ARID1B: variants seen among roughly 807,000 people sequenced by gnomAD.
ARID1B encodes the protein AT-rich interaction domain 1B, also known as AT-rich interactive domain-containing protein 1B.
A neutral mutation model predicts 212.3 loss-of-function variants in ARID1B; 30 were observed. That is an observed-to-expected ratio of 0.14 (90% CI 0.11 to 0.19). ARID1B has a LOEUF of 0.19. ARID1B is among the 10% of genes least tolerant of loss of function. The pLI, the probability that ARID1B is intolerant of heterozygous loss-of-function variation, is 1.00. For synonymous variants in ARID1B, 1,402 were observed against 1,301.7 expected, an observed-to-expected ratio of 1.08 and a Z score of -1.66; for missense variants, 2,891 against 3,204.0, an observed-to-expected ratio of 0.90 and a Z score of 2.36.
intron 4 of ARID1B, chr6:157,071,845 T>G (rs1784024054): frequency 6.6e-6 from 1 of 152,218 alleles, no homozygotes; most frequent in African/African-American, 2.4e-5. Flanking sequence ...GTTGGGTTGT[T>G]AGACTGGGGC....
At chr6:156,914,028 T>A (rs1790139411) in intron 3 of ARID1B, among the ~76,000 whole-genome samples, 1 of 124,148 alleles carries the variant, frequency 8.1e-6, no homozygotes, top group Admixed American at 7.9e-5. Context: ...GGTGCCCCCA[T>A]TCCACTCTCT....
chr6:156,973,333 G>A (rs577427386), intron 4 of ARID1B, among the ~76,000 whole-genome samples: 1 of 152,186 alleles, frequency 6.6e-6, no homozygotes, highest in South Asian at 2.1e-4. Context: ...GTACGCATAC[G>A]TAGTTTATAA....
chr6:157,137,009 C>T (rs543714268), intron 7 of ARID1B, among the ~76,000 whole-genome samples: 6 of 152,272 alleles, frequency 3.9e-5, no homozygotes, highest in Admixed American at 1.3e-4. Context: ...AGAACCCCAT[C>T]TCTACAAAAA....
chr6:157,107,672 A>G (rs1786594363), intron 5 of ARID1B: 1 of 152,196 alleles, frequency 6.6e-6, no homozygotes, highest in African/African-American at 2.4e-5. Flanking sequence ...CATTATGCTT[A>G]CATCATAATA....
At chr6:156,892,242 C>T (rs530993236) in intron 2 of ARID1B, among the ~76,000 whole-genome samples, 124 of 152,050 alleles carry the variant, frequency 8.2e-4, no homozygotes, top group Non-Finnish European at 1.5e-3. Context: ...GTTAAAAGAA[C>T]GTTGTTTCTA....
Position 157,167,854 on chromosome 6 carries a change from G to C in ARID1B, c.3235+669G>C, listed in dbSNP as rs572149548. The C allele has an allele frequency of 2.6e-5, 4 of 152,300 alleles. No individual in the cohort carries two copies. The South Asian group carries it at 8.3e-4, about 32-fold the overall frequency. The allele number at this position is 152,300 out of a possible 1,614,324, so 9.4% of individuals were successfully genotyped here. On this transcript the variant is annotated intron_variant, in intron 9 of 19. Coordinates refer to ENST00000636930, the MANE Select transcript of ARID1B (RefSeq NM_001374828.1). ...TCTCCCATGATCTTAGACTCTTCAA[G>C]ACCCTTGAACCCCCTCCTCAGGTTC...
rs139532864 is a variant in ARID1B, at chr6:157,040,892, G to A, written c.2248-43770G>A. 2.2e-4 allele frequency among the ~76,000 whole-genome samples: 33 copies of A among 152,262 alleles called. No homozygotes were observed. In the East Asian group the frequency reaches 5.6e-3, roughly 26 times the overall value. On this transcript the variant is annotated intron_variant, in intron 4 of 19. Coordinates refer to ENST00000636930, the MANE Select transcript of ARID1B (RefSeq NM_001374828.1). ...AGTATAGTAGACAATAAGCACTTCC[G>A]CTGTTTTCCCGTGGTTTTAGTTTTT...
chr6:156,928,634 C>T (rs950064614), intron 3 of ARID1B, among the ~76,000 whole-genome samples: 4 of 152,150 alleles, frequency 2.6e-5, no homozygotes, highest in Non-Finnish European at 4.4e-5. Context: ...TTGAGGGGCC[C>T]CCATTCTTAA....
intron 4 of ARID1B, among the ~76,000 whole-genome samples, chr6:157,021,557 G>A (rs1780264856): frequency 6.6e-6 from 1 of 152,290 alleles, no homozygotes; most frequent in Admixed American, 6.5e-5. Flanking sequence ...GGCGGGGACA[G>A]GGGGACGAAA....
At chr6:156,967,537 G>A (rs1794852462) in intron 4 of ARID1B, among the ~76,000 whole-genome samples, 1 of 152,206 alleles carries the variant, frequency 6.6e-6, no homozygotes, top group Non-Finnish European at 1.5e-5. Flanking sequence ...GGGAGAGAAT[G>A]TGTGTATGTT....
intron 2 of ARID1B, among the ~76,000 whole-genome samples, chr6:156,889,070 G>C (rs549542485): frequency 6.6e-6 from 1 of 152,242 alleles, no homozygotes; most frequent in South Asian, 2.1e-4. Context: ...TTTCACTGCT[G>C]TGACAGTTTA....
At chr6:157,193,524 A>T (rs1330576418) in intron 15 of ARID1B, 1 of 152,150 alleles carries the variant, frequency 6.6e-6, no homozygotes, top group East Asian at 1.9e-4. Context: ...TAGGATATTG[A>T]GGTGGCCGCC....
At chr6:156,882,817 C>T (rs1787207179) in intron 2 of ARID1B, among the ~76,000 whole-genome samples, 1 of 152,170 alleles carries the variant, frequency 6.6e-6, no homozygotes, top group East Asian at 1.9e-4. Flanking sequence ...ATATCAGTGA[C>T]AACATTTTAT....
intron 7 of ARID1B, among the ~76,000 whole-genome samples, chr6:157,136,735 G>A (rs1000060206): frequency 2.3e-4 from 35 of 151,332 alleles, no homozygotes; most frequent in Non-Finnish European, 4.7e-4. Flanking sequence ...GGTGGCACAC[G>A]CCTGTGGTCC....
intron 15 of ARID1B, 68 bp from the exon 16 acceptor site, chr6:157,196,097 G>C (rs1793699809): frequency 6.4e-7 from 1 of 1,570,422 alleles, no homozygotes; most frequent in Middle Eastern, 1.7e-4. Context: ...GAGATGACTA[G>C]AAGGGATGGA....
chr6:156,876,506 TC>T (rs1156351504), intron 2 of ARID1B, among the ~76,000 whole-genome samples: 29 of 152,318 alleles, frequency 1.9e-4, no homozygotes, highest in Non-Finnish European at 4.0e-4. Context: ...GCATCCCAGT[TC>T]CGAGTATACT....
In ARID1B at chr6:157,000,896, C is replaced by T. The variant is rs190415145; in HGVS notation, c.2247+65320C>T. On this transcript the variant is annotated intron_variant, in intron 4 of 19. Coordinates refer to ENST00000636930, the MANE Select transcript of ARID1B (RefSeq NM_001374828.1). ...TTTCAGTGGAGATGGGGTTTCACTA[C>T]GTTGGCCAGGCTGGTCTCAAACTCC... 8.3e-4 allele frequency among the ~76,000 whole-genome samples: 126 copies of T among 151,946 alleles called. 2 individuals carry two copies. In the East Asian group the frequency reaches 0.022, roughly 27 times the overall value.
intron 1 of ARID1B, among the ~76,000 whole-genome samples, chr6:156,781,094 CTG>C (rs1173565090): frequency 6.6e-6 from 1 of 152,102 alleles, no homozygotes; most frequent in Admixed American, 6.6e-5. Flanking sequence ...TCAGTTCTGA[CTG>C]TTCAAAGATA....
Position 157,004,897 on chromosome 6 carries a change from C to CTTTTTTGTTTTTTTTTT in ARID1B, c.2247+69327_2247+69328insGTTTTTTTTTTTTTTTT, listed in dbSNP as rs1562542228. Among the ~76,000 whole-genome samples, 24 of 54,722 alleles carry CTTTTTTGTTTTTTTTTT rather than the reference C, an allele frequency of 4.4e-4. 3 individuals are homozygous for CTTTTTTGTTTTTTTTTT. Among genetic ancestry groups the CTTTTTTGTTTTTTTTTT allele is most frequent in the African/African-American group, 5.1e-4 (7 of 13,838 alleles). 35.9% of individuals were successfully genotyped at this position (54,722 alleles called of 152,430 possible). A position where few individuals can be genotyped will look rare whatever the true frequency, so the allele number is the denominator to read the frequency against. ...TTTTTTCTTTTTCTTCTTCTTTTTT[C>CTTTTTTGTTTTTTTTTT]TTTTTTTTTTTTTTTTTTTTTTTTT... is the stretch of plus-strand genomic sequence containing the variant. On this transcript the variant is annotated intron_variant, in intron 4 of 19. Coordinates refer to ENST00000636930, the MANE Select transcript of ARID1B (RefSeq NM_001374828.1).
Sources: allele counts gnomAD v4.1 joint callset (sites outside exome capture counted in the v4.1 genomes callset), GRCh38; gene constraint gnomAD v4.1.1; transcripts MANE v1.5; gene names NCBI Gene and HGNC (gene_info 2026-07-23, HGNC 2026-07-21).